The following SDK1 variants were observed in gnomAD, a reference collection of about 807,000 sequenced individuals.
The protein encoded by SDK1 is sidekick cell adhesion molecule 1.
A neutral mutation model predicts 245.5 loss-of-function variants in SDK1; 157 were observed. The ratio of observed to expected loss-of-function variants is 0.64; its 90% CI spans 0.56 to 0.73. SDK1 has a LOEUF of 0.73. Among genes scored for constraint, SDK1 ranks in the 30% least tolerant of loss-of-function variants. SDK1 has a pLI of 0.00. For synonymous variants in SDK1, 1,647 were observed against 1,278.5 expected, an observed-to-expected ratio of 1.29 and a Z score of -6.15; for missense variants, 3,583 against 3,002.3, an observed-to-expected ratio of 1.19 and a Z score of -4.52.
At chr7:3,874,553 C>T (rs1272728345) in intron 5 of SDK1, among the ~76,000 whole-genome samples, 1 of 152,148 alleles carries the variant, frequency 6.6e-6, no homozygotes, top group East Asian at 1.9e-4. Context: ...CATGCTGGGC[C>T]TAGCATATAT....
intron 4 of SDK1, among the ~76,000 whole-genome samples, chr7:3,657,999 A>T (rs1401467539): frequency 6.6e-6 from 1 of 152,130 alleles, no homozygotes; most frequent in Non-Finnish European, 1.5e-5. Flanking sequence ...GGGTGGTGAA[A>T]TGGCCAAAGG....
chr7:3,837,166 C>G (rs1780046308), intron 5 of SDK1, among the ~76,000 whole-genome samples: 1 of 152,158 alleles, frequency 6.6e-6, no homozygotes, highest in African/African-American at 2.4e-5. Context: ...CAGTCCATAA[C>G]GACTTACACA....
intron 34 of SDK1, among the ~76,000 whole-genome samples, chr7:4,176,742 G>C (rs1321525053): frequency 1.3e-5 from 2 of 152,196 alleles, no homozygotes; most frequent in Non-Finnish European, 2.9e-5. Context: ...TGTAGTATTT[G>C]TCTTTTTGTG....
At chr7:3,635,624 A>G (rs910074362) in intron 2 of SDK1, among the ~76,000 whole-genome samples, 1 of 152,216 alleles carries the variant, frequency 6.6e-6, no homozygotes, top group African/African-American at 2.4e-5. Context: ...TTACTGGAAC[A>G]TCTTTTTGGG....
chr7:4,106,144 G>A (rs892070803), intron 22 of SDK1, among the ~76,000 whole-genome samples: 10 of 152,152 alleles, frequency 6.6e-5, no homozygotes, highest in African/African-American at 2.2e-4. Context: ...CAGCCCTGTA[G>A]ATAACCAGAC....
At position 4,019,481 on chromosome 7, in the gene SDK1, C is replaced by T. The variant is rs563914376; in HGVS notation, c.2602+2129C>T. 8.5e-5 allele frequency among the ~76,000 whole-genome samples: 13 copies of T among 152,222 alleles called. No individual in the cohort carries two copies. The South Asian group carries it at 2.7e-3, about 32-fold the overall frequency. On this transcript the variant is annotated intron_variant, in intron 17 of 44. Transcript: ENST00000404826. ...TGGCACAGTGGGTGGGGTCCCGCCT[C>T]CATGTCCAAGTAGTCTTCTGGATGG...
intron 1 of SDK1, among the ~76,000 whole-genome samples, chr7:3,580,872 G>T (rs1780457178): frequency 1.3e-5 from 2 of 149,988 alleles, no homozygotes; most frequent in African/African-American, 4.9e-5. Flanking sequence ...GGAGGCTGAG[G>T]CAGGAGAATC....
chr7:3,591,731 T>G (rs912663590), intron 1 of SDK1, among the ~76,000 whole-genome samples: 2 of 152,200 alleles, frequency 1.3e-5, no homozygotes, highest in Non-Finnish European at 2.9e-5. Flanking sequence ...GTGGGGCATG[T>G]GTGTATATGT....
intron 19 of SDK1, among the ~76,000 whole-genome samples, chr7:4,053,184 G>A (rs1284862186): frequency 2.0e-5 from 3 of 151,654 alleles, no homozygotes; most frequent in Admixed American, 1.3e-4. Flanking sequence ...TCAGCCTTCT[G>A]AACTTGTCTC....
chr7:4,213,444 G>A (rs1177474963), intron 38 of SDK1, among the ~76,000 whole-genome samples: 6 of 151,934 alleles, frequency 3.9e-5, no homozygotes, highest in African/African-American at 1.5e-4. Flanking sequence ...AATTAGCTGG[G>A]CATGGTGGCA....
At chr7:3,777,043 T>G (rs1038449876) in intron 4 of SDK1, among the ~76,000 whole-genome samples, 4 of 152,168 alleles carry the variant, frequency 2.6e-5, no homozygotes, top group African/African-American at 4.8e-5. Context: ...GCTTCCTCAC[T>G]GGTAATTGTG....
At chr7:3,648,761 G>A (rs553109473) in intron 4 of SDK1, among the ~76,000 whole-genome samples, 1 of 152,280 alleles carries the variant, frequency 6.6e-6, no homozygotes, top group African/African-American at 2.4e-5. Flanking sequence ...AATGTTTATA[G>A]AGTATATGTG....
At chr7:3,878,498 C>T (rs1781126407) in intron 5 of SDK1, among the ~76,000 whole-genome samples, 1 of 152,078 alleles carries the variant, frequency 6.6e-6, no homozygotes, top group South Asian at 2.1e-4. Context: ...GCCTGGGTGA[C>T]AGAGCAAGAC....
intron 4 of SDK1, among the ~76,000 whole-genome samples, chr7:3,749,549 T>C (rs1255607483): frequency 6.6e-6 from 1 of 152,202 alleles, no homozygotes; most frequent in Non-Finnish European, 1.5e-5. Flanking sequence ...TCCGCCCGCC[T>C]TGGCCTCCCA....
chr7:3,655,793 C>T (rs189227325), intron 4 of SDK1, among the ~76,000 whole-genome samples: 77 of 151,974 alleles, frequency 5.1e-4, no homozygotes, highest in African/African-American at 1.7e-3. Flanking sequence ...TAGATCGAGA[C>T]TCAGAAAACA....
rs183269692 is a variant in SDK1 at position 3,632,190 on chromosome 7, A to G, written c.459-6814A>G. 3.3e-5 allele frequency among the ~76,000 whole-genome samples: 5 copies of G among 152,350 alleles called. No individual in the cohort carries two copies. In the East Asian group the frequency reaches 5.8e-4, roughly 18 times the overall value. ...TGAGAGAGCAATTAATGCTCACAGT[A>G]GATTTGACAGACGGTTCTAGTCATC... On this transcript the variant is annotated intron_variant, in intron 2 of 44. Coordinates refer to ENST00000404826, the MANE Select transcript of SDK1 (RefSeq NM_152744.4).
chr7:3,711,494 T>G (rs1785051180), intron 4 of SDK1, among the ~76,000 whole-genome samples: 1 of 152,148 alleles, frequency 6.6e-6, no homozygotes, highest in African/African-American at 2.4e-5. Flanking sequence ...GGTGATAGTT[T>G]GCTTTGGTGG....
chr7:4,034,716 T>C (rs941446412), intron 17 of SDK1, among the ~76,000 whole-genome samples: 7 of 152,134 alleles, frequency 4.6e-5, no homozygotes, highest in Non-Finnish European at 7.3e-5. Flanking sequence ...AAGATACAGG[T>C]ACAAGCCTAT....
chr7:3,986,067 C>T (rs189618205), intron 13 of SDK1, among the ~76,000 whole-genome samples: 11 of 152,142 alleles, frequency 7.2e-5, no homozygotes, highest in East Asian at 1.9e-4. Flanking sequence ...GGTCCTGCTC[C>T]GGATTCAGGA....
Sources: gnomAD v4.1 joint callset for allele counts (sites outside exome capture counted in the v4.1 genomes callset) on GRCh38, gnomAD v4.1.1 for gene constraint, MANE v1.5 for transcripts, NCBI Gene and HGNC (gene_info 2026-07-23, HGNC 2026-07-21) for gene names.